Variants in TMEM135 observed in about 807,000 individuals in gnomAD.
TMEM135 encodes the protein peroxisomal membrane protein 52.
In TMEM135, 30 loss-of-function variants were observed where a neutral mutation model predicts 60.3. The observed-to-expected ratio is 0.50, with a 90% CI of 0.37 to 0.68. TMEM135 has a LOEUF of 0.68. Among genes scored for constraint, TMEM135 ranks in the 30% least tolerant of loss-of-function variants. The pLI is 0.00. For missense variants in TMEM135, 468 were observed against 548.8 expected (o/e 0.85, Z 1.47); for synonymous variants, 190 against 186.7 (o/e 1.02, Z -0.14).
intron 4 of TMEM135, among the ~76,000 whole-genome samples, chr11:87,097,246 C>G (rs1159023624): frequency 1.3e-5 from 2 of 152,182 alleles, no homozygotes; most frequent in Non-Finnish European, 2.9e-5. Context: ...ATCTGCCCGC[C>G]TCGGCCTCCC....
intron 5 of TMEM135, among the ~76,000 whole-genome samples, chr11:87,220,833 A>G (rs921903200): frequency 6.6e-6 from 1 of 152,202 alleles, no homozygotes; most frequent in Admixed American, 6.5e-5. Context: ...CATGAAATCT[A>G]TGTCCAATAT....
At chr11:87,253,116 A>AG (rs1941452862) in intron 6 of TMEM135, among the ~76,000 whole-genome samples, 1 of 82,878 alleles carries the variant, frequency 1.2e-5, no homozygotes, top group South Asian at 3.9e-4. Flanking sequence ...CTTTATTGGT[A>AG]GAAAAAAATT....
At chr11:87,248,032 A>AG (rs71040301) in intron 6 of TMEM135, among the ~76,000 whole-genome samples, 6 of 149,026 alleles carry the variant, frequency 4.0e-5, no homozygotes, top group Non-Finnish European at 3.0e-5. Flanking sequence ...AAAAAAAAAA[A>AG]AAAAAGAAAA....
In TMEM135 at chr11:87,305,284, T is replaced by C. The variant is rs151212415; in HGVS notation, c.699-652T>C. Among the ~76,000 whole-genome samples the C allele has an allele frequency of 2.7e-3, 410 of 152,198 alleles. 3 individuals carry two copies. The highest frequency in any genetic ancestry group is 9.4e-3 in the African/African-American group (391 of 41,520). Reference sequence around the variant, plus strand: ...TTTCCAAAAGACTTGGCAGAGTATATATATAATATATACATATTTTTTCAT... The same window carrying C: ...TTTCCAAAAGACTTGGCAGAGTATACATATAATATATACATATTTTTTCAT... On this transcript the variant is annotated intron_variant, in intron 8 of 14. Transcript: ENST00000305494.
intron 5 of TMEM135, among the ~76,000 whole-genome samples, chr11:87,194,878 A>T (rs975669395): frequency 5.9e-5 from 9 of 152,222 alleles, no homozygotes; most frequent in South Asian, 2.1e-4. Context: ...TCATGAGGTT[A>T]TCTTTTACAT....
chr11:87,327,817 C>A lies in TMEM135; in HGVS notation c.*6484C>A. The A allele has an allele frequency of 2.2e-6, 1 of 454,010 alleles. No homozygotes were observed. Among genetic ancestry groups the A allele is most frequent in the Non-Finnish European group, 4.4e-6 (1 of 226,764 alleles). 28.1% of individuals were successfully genotyped at this position (454,010 alleles called of 1,614,324 possible). A position where few individuals can be genotyped will look rare whatever the true frequency, so the allele number is the denominator to read the frequency against. ...TCCTGGAGTCCCAAGGTTAGAGGAT[C>A]TGGGGTCCTAATGTCCATGGGCAGT... On this transcript the variant is annotated 3_prime_UTR_variant, in exon 15 of 15. Coordinates refer to ENST00000305494, the MANE Select transcript of TMEM135 (RefSeq NM_022918.4).
intron 4 of TMEM135, among the ~76,000 whole-genome samples, chr11:87,138,088 C>CTTTTT (rs10671410): frequency 2.9e-5 from 4 of 137,928 alleles, no homozygotes; most frequent in East Asian, 2.2e-4. Flanking sequence ...AAGTTGATTT[C>CTTTTT]TTTTTTTTTT....
At chr11:87,173,064 C>G (rs1939280654) in intron 5 of TMEM135, among the ~76,000 whole-genome samples, 1 of 151,890 alleles carries the variant, frequency 6.6e-6, no homozygotes, top group Non-Finnish European at 1.5e-5. Context: ...TAGAAGTAAA[C>G]TCTCAAATAT....
chr11:87,244,019 C>T (rs1336811249), intron 6 of TMEM135, among the ~76,000 whole-genome samples: 4 of 87,178 alleles, frequency 4.6e-5, no homozygotes, highest in South Asian at 7.5e-4. Flanking sequence ...TTTTGAGATA[C>T]GTCCCATCAA....
chr11:87,295,871 TAAA>T, intron 7 of TMEM135, 48 bp downstream of exon 7: 2 of 1,419,156 alleles, frequency 1.4e-6, no homozygotes, highest in Non-Finnish European at 2.0e-6. Context: ...CAAGTTAACT[TAAA>T]AAATTATACA....
chr11:87,175,129 C>A (rs913437340), intron 5 of TMEM135, among the ~76,000 whole-genome samples: 5 of 152,078 alleles, frequency 3.3e-5, no homozygotes, highest in Non-Finnish European at 4.4e-5. Context: ...GAAGACTGGA[C>A]TAATTATAAT....
intron 4 of TMEM135, among the ~76,000 whole-genome samples, chr11:87,120,536 A>G (rs561842220): frequency 7.7e-6 from 1 of 129,750 alleles, no homozygotes; most frequent in South Asian, 2.5e-4. Context: ...CAGTGGTATG[A>G]TCTCGGCTCA....
intron 4 of TMEM135, among the ~76,000 whole-genome samples, chr11:87,099,534 C>T (rs1470055738): frequency 1.3e-5 from 2 of 152,044 alleles, no homozygotes; most frequent in African/African-American, 2.4e-5. Flanking sequence ...GTTGTCACCC[C>T]TCCTTAACCC....
chr11:87,203,032 C>CAAAAAAAAAA (rs534909524), intron 5 of TMEM135, among the ~76,000 whole-genome samples: 13 of 33,592 alleles, frequency 3.9e-4, no homozygotes, highest in African/African-American at 1.1e-3. Context: ...GACTCCGTCT[C>CAAAAAAAAAA]AAAAAAAAAA....
At chr11:87,279,637 A>G (rs1942025435) in intron 6 of TMEM135, among the ~76,000 whole-genome samples, 2 of 152,214 alleles carry the variant, frequency 1.3e-5, no homozygotes. Flanking sequence ...TGTTGAACAG[A>G]TATATGATTG....
intron 4 of TMEM135, among the ~76,000 whole-genome samples, chr11:87,153,881 A>C (rs1329371687): frequency 2.0e-5 from 3 of 152,240 alleles, no homozygotes; most frequent in African/African-American, 7.2e-5. Context: ...CTTTAGATAC[A>C]ATCCTAAAGA....
intron 5 of TMEM135, among the ~76,000 whole-genome samples, chr11:87,167,475 A>G (rs1189623121): frequency 6.6e-6 from 1 of 152,188 alleles, no homozygotes; most frequent in Admixed American, 6.6e-5. Flanking sequence ...ATTTTGAGAT[A>G]TGATCCATCA....
At chr11:87,173,376 A>G (rs1017235709) in intron 5 of TMEM135, among the ~76,000 whole-genome samples, 1 of 152,256 alleles carries the variant, frequency 6.6e-6, no homozygotes, top group East Asian at 1.9e-4. Flanking sequence ...CCCCTGAATA[A>G]TTATTATGAG....
At chr11:87,176,301 A>G (rs1939366193) in intron 5 of TMEM135, among the ~76,000 whole-genome samples, 1 of 152,130 alleles carries the variant, frequency 6.6e-6, no homozygotes, top group Non-Finnish European at 1.5e-5. Flanking sequence ...TGATGTCTTC[A>G]CATGCCGGCT....
Sources: gnomAD v4.1 joint callset for allele counts (sites outside exome capture counted in the v4.1 genomes callset) on GRCh38, gnomAD v4.1.1 for gene constraint, MANE v1.5 for transcripts, NCBI Gene and HGNC (gene_info 2026-07-23, HGNC 2026-07-21) for gene names.